CSMD3: variants seen among roughly 807,000 people sequenced by gnomAD.
The protein encoded by CSMD3 is CUB and Sushi multiple domains 3.
In CSMD3, 177 loss-of-function variants were observed where a neutral mutation model predicts 435.2. The ratio of observed to expected loss-of-function variants is 0.41; its 90% CI spans 0.36 to 0.46. The LOEUF (loss-of-function observed/expected upper bound fraction) is 0.46. Among genes scored for constraint, CSMD3 ranks in the 20% least tolerant of loss-of-function variants. The pLI, the probability that CSMD3 is intolerant of heterozygous loss-of-function variation, is 0.34. For synonymous variants in CSMD3, 1,656 were observed against 1,520.5 expected, an observed-to-expected ratio of 1.09 and a Z score of -2.07; for missense variants, 4,265 against 4,504.6, an observed-to-expected ratio of 0.95 and a Z score of 1.52.
In CSMD3 at chr8:113,314,753, A is replaced by G; in HGVS notation, c.219T>C (p.Asn73=). Residue 73 remains asparagine (N), a synonymous_variant, in exon 2 of 71, where the codon AAT becomes AAC. Transcript: ENST00000297405. ...GAAAACCAGGGCTTTCTATAGTGCCATTAAGTCCTTTTAAAGTTCCACCAC... is the reference window on the plus strand; with the variant it reads ...GAAAACCAGGGCTTTCTATAGTGCCGTTAAGTCCTTTTAAAGTTCCACCAC... ...YTCGGTLKGL[N]GTIESPGFPY... is the part of the protein sequence containing the mutation. 3 of 1,612,884 alleles carry G rather than the reference A, an allele frequency of 1.9e-6. No individual in the cohort carries two copies. Among genetic ancestry groups the G allele is most frequent in the Non-Finnish European group, 8.5e-7 (1 of 1,179,160 alleles).
intron 31 of CSMD3, among the ~76,000 whole-genome samples, chr8:112,474,319 G>A (rs1374102873): frequency 2.0e-5 from 3 of 152,152 alleles, no homozygotes; most frequent in African/African-American, 7.2e-5. Context: ...GCAAGTGGGG[G>A]AGGCTAGATT....
intron 31 of CSMD3, among the ~76,000 whole-genome samples, chr8:112,478,955 C>T (rs1169691891): frequency 1.3e-5 from 2 of 152,102 alleles, no homozygotes; most frequent in African/African-American, 2.4e-5. Flanking sequence ...GAGAACTGCC[C>T]GACTGTGAGA....
At chr8:112,985,940 A>G (rs2085239301) in intron 6 of CSMD3, among the ~76,000 whole-genome samples, 1 of 152,174 alleles carries the variant, frequency 6.6e-6, no homozygotes. Context: ...AGTACAAAGT[A>G]AATGTAATGT....
intron 32 of CSMD3, 74 bp downstream of exon 32, chr8:112,472,517 T>G (rs1446198350): frequency 2.4e-6 from 2 of 831,514 alleles, no homozygotes; most frequent in Non-Finnish European, 4.3e-6. Flanking sequence ...TCATTTAAAA[T>G]TTTTGAATAG....
intron 12 of CSMD3, among the ~76,000 whole-genome samples, chr8:112,802,860 T>G (rs1445581295): frequency 6.6e-6 from 1 of 151,922 alleles, no homozygotes; most frequent in Non-Finnish European, 1.5e-5. Flanking sequence ...AAATTTAAAA[T>G]TTTAAATTTT....
chr8:112,430,009 G>A (rs1288530933), intron 32 of CSMD3, among the ~76,000 whole-genome samples: 5 of 151,864 alleles, frequency 3.3e-5, no homozygotes, highest in African/African-American at 1.2e-4. Flanking sequence ...GTGTCTGGTG[G>A]TATTATCTCT....
At chr8:112,961,018 T>C (rs1242710325) in intron 7 of CSMD3, among the ~76,000 whole-genome samples, 1 of 151,826 alleles carries the variant, frequency 6.6e-6, no homozygotes, top group Non-Finnish European at 1.5e-5. Flanking sequence ...ATGTATGTGA[T>C]GCTCAATTTT....
At chr8:113,287,942 AT>A (rs946644988) in intron 2 of CSMD3, among the ~76,000 whole-genome samples, 8 of 151,744 alleles carry the variant, frequency 5.3e-5, no homozygotes, top group African/African-American at 1.9e-4. Flanking sequence ...GAAATATTTC[AT>A]TTTTTTGGTC....
At chr8:113,111,782 G>GA (rs1480741349) in intron 4 of CSMD3, among the ~76,000 whole-genome samples, 40 of 152,206 alleles carry the variant, frequency 2.6e-4, no homozygotes, top group African/African-American at 9.2e-4. Context: ...CCGAGTTCAA[G>GA]TGATTCCCCT....
chr8:113,406,219 T>C (rs756389119), intron 1 of CSMD3, among the ~76,000 whole-genome samples: 11 of 151,942 alleles, frequency 7.2e-5, no homozygotes, highest in Non-Finnish European at 1.5e-4. Flanking sequence ...AGAATTGTGT[T>C]CAGTTCTGAT....
chr8:113,271,192 A>C (rs577997231), intron 3 of CSMD3, among the ~76,000 whole-genome samples: 13 of 152,194 alleles, frequency 8.5e-5, no homozygotes, highest in Non-Finnish European at 1.2e-4. Context: ...ATGACGCAGT[A>C]GAAAACAAAA....
chr8:112,537,335 C>T (rs1050304505), intron 27 of CSMD3, among the ~76,000 whole-genome samples: 3 of 151,126 alleles, frequency 2.0e-5, no homozygotes, highest in African/African-American at 7.3e-5. Flanking sequence ...CCTCAAAGAA[C>T]TAGAAAACAA....
At chr8:113,372,517 C>T (rs889897611) in intron 1 of CSMD3, among the ~76,000 whole-genome samples, 52 of 152,274 alleles carry the variant, frequency 3.4e-4, no homozygotes, top group Middle Eastern at 3.4e-3. Context: ...GCAAATGAAG[C>T]AGGCATGCAG....
chr8:113,235,849 G>A (rs2093141852), intron 3 of CSMD3, among the ~76,000 whole-genome samples: 1 of 145,436 alleles, frequency 6.9e-6, no homozygotes, highest in African/African-American at 2.7e-5. Context: ...CCAATTTTTT[G>A]CAAGGTTAGT....
At chr8:113,384,196 C>T (rs1396446114) in intron 1 of CSMD3, among the ~76,000 whole-genome samples, 1 of 152,180 alleles carries the variant, frequency 6.6e-6, no homozygotes, top group South Asian at 2.1e-4. Flanking sequence ...TCTCTCTCTT[C>T]TCTACTAACT....
chr8:113,090,690 T>C (rs534303784), intron 5 of CSMD3, among the ~76,000 whole-genome samples: 1 of 152,150 alleles, frequency 6.6e-6, no homozygotes, highest in African/African-American at 2.4e-5. Flanking sequence ...GGCCCAGCAA[T>C]GCTGTTGCCT....
chr8:113,138,772 A>C (rs765771699), intron 4 of CSMD3, among the ~76,000 whole-genome samples: 62 of 150,254 alleles, frequency 4.1e-4, no homozygotes, highest in Non-Finnish European at 5.7e-4. Flanking sequence ...TCTGAATTTC[A>C]ATTCCCTGTT....
chr8:112,698,008 G>C (rs1349619553), intron 13 of CSMD3, among the ~76,000 whole-genome samples: 2 of 152,090 alleles, frequency 1.3e-5, no homozygotes, highest in African/African-American at 2.4e-5. Flanking sequence ...AAGTGGAATG[G>C]GTAGAGTTAG....
intron 10 of CSMD3, among the ~76,000 whole-genome samples, chr8:112,860,111 G>T (rs1247665517): frequency 1.3e-5 from 2 of 151,718 alleles, no homozygotes; most frequent in Non-Finnish European, 3.0e-5. Flanking sequence ...CCTCCTAAAA[G>T]TTTGCTTGAC....
Sources: allele counts gnomAD v4.1 joint callset (sites outside exome capture counted in the v4.1 genomes callset), GRCh38; gene constraint gnomAD v4.1.1; transcripts MANE v1.5; gene names NCBI Gene and HGNC (gene_info 2026-07-23, HGNC 2026-07-21).